LAMA3: variants seen among roughly 807,000 people sequenced by gnomAD.
The protein encoded by LAMA3 is laminin subunit alpha 3, also known as laminin subunit alpha-3.
Under a neutral mutation model 402.0 loss-of-function variants are expected in LAMA3, and 281 were observed. That is an observed-to-expected ratio of 0.70 (90% CI 0.63 to 0.77). LAMA3 has a LOEUF of 0.77. Among genes scored for constraint, LAMA3 ranks in the 30% least tolerant of loss-of-function variants. The pLI is 0.00. For missense variants in LAMA3, 3,840 were observed against 4,215.5 expected (o/e 0.91, Z 2.47); for synonymous variants, 1,431 against 1,558.4 (o/e 0.92, Z 1.93).
At position 23,715,500 on chromosome 18, in the gene LAMA3, A is replaced by G. The variant is rs1032557933; in HGVS notation, c.447+1428A>G. Among the ~76,000 whole-genome samples, 3 of 152,294 alleles carry G rather than the reference A, an allele frequency of 2.0e-5. No individual in the cohort carries two copies. The East Asian group carries it at 5.8e-4, about 29-fold the overall frequency. On this transcript the variant is annotated intron_variant, in intron 2 of 74. Coordinates refer to ENST00000313654, the MANE Select transcript of LAMA3 (RefSeq NM_198129.4). ...TAGGGAAATTAAGAGAGAATGTGAG[A>G]GGAATTGAAGTACCTAATACAGAAA...
intron 12 of LAMA3, among the ~76,000 whole-genome samples, chr18:23,801,266 A>G (rs1430453578): frequency 6.6e-6 from 1 of 152,168 alleles, no homozygotes; most frequent in Non-Finnish European, 1.5e-5. Context: ...GATGAGAACA[A>G]AAGACACTGG....
chr18:23,694,627 G>A (rs1324118073), intron 1 of LAMA3, among the ~76,000 whole-genome samples: 1 of 152,190 alleles, frequency 6.6e-6, no homozygotes, highest in African/African-American at 2.4e-5. Flanking sequence ...GGTAAATCCA[G>A]ATTTAAACCC....
intron 32 of LAMA3, among the ~76,000 whole-genome samples, chr18:23,856,838 A>G (rs1160480990): frequency 2.0e-5 from 3 of 151,926 alleles, no homozygotes; most frequent in African/African-American, 4.8e-5. Context: ...CCTCACCCCA[A>G]AATAGTTTGG....
In LAMA3 at chr18:23,833,926, G is replaced by T; in HGVS notation, c.2922G>T (p.Val974=). Residue 974 remains valine (V), a synonymous_variant, in exon 24 of 75, where the codon GTG becomes GTT. Coordinates refer to ENST00000313654, the MANE Select transcript of LAMA3 (RefSeq NM_198129.4). ...TEAAQLFVVD[V]NVKSSGSVLA... is the part of the protein sequence containing the mutation. ...CAGCTCAGCTGTTTGTGGTTGATGT[G>T]AATGTGAAGAGCTCCGGGTCTGTTC... The T allele has an allele frequency of 6.2e-7, 1 of 1,614,198 alleles. No individual in the cohort carries two copies. The highest frequency in any genetic ancestry group is 8.5e-7 in the Non-Finnish European group (1 of 1,180,032).
intron 36 of LAMA3, among the ~76,000 whole-genome samples, chr18:23,867,304 C>T (rs949605586): frequency 1.4e-4 from 22 of 152,108 alleles, no homozygotes; most frequent in Admixed American, 1.0e-3. Context: ...CACCTGTAAT[C>T]CCAGCACTGC....
At chr18:23,949,125 G>T (rs2082815373) in intron 70 of LAMA3, among the ~76,000 whole-genome samples, 1 of 152,192 alleles carries the variant, frequency 6.6e-6, no homozygotes, top group Non-Finnish European at 1.5e-5. Context: ...CCCTGTTCCA[G>T]CCGGCTCTAG....
chr18:23,845,473 G>A (rs1484174309), intron 30 of LAMA3, among the ~76,000 whole-genome samples: 2 of 152,204 alleles, frequency 1.3e-5, no homozygotes, highest in African/African-American at 4.8e-5. Flanking sequence ...ACCCTCCACT[G>A]GGAAGGACAT....
intron 39 of LAMA3, among the ~76,000 whole-genome samples, chr18:23,877,984 G>A (rs1218119791): frequency 1.3e-5 from 2 of 151,868 alleles, no homozygotes; most frequent in Non-Finnish European, 2.9e-5. Flanking sequence ...GTGGTGGTGG[G>A]CGCCTGCAAT....
At chr18:23,727,870 C>T (rs932649530) in intron 2 of LAMA3, among the ~76,000 whole-genome samples, 2 of 152,138 alleles carry the variant, frequency 1.3e-5, no homozygotes, top group African/African-American at 2.4e-5. Context: ...GCTAGGAGCA[C>T]AGGCACGTGC....
At chr18:23,933,995 C>G in intron 67 of LAMA3, 60 bp downstream of exon 67, 1 of 1,543,210 alleles carries the variant, frequency 6.5e-7, no homozygotes, top group Non-Finnish European at 8.9e-7. Flanking sequence ...CCTGAGCCTG[C>G]CTTGTGGGAG....
At chr18:23,709,685 G>A in intron 1 of LAMA3, 1 of 405,548 alleles carries the variant, frequency 2.5e-6, no homozygotes, top group Admixed American at 3.5e-5. Flanking sequence ...TGATACTCAT[G>A]GGAAGGAAAG....
At chr18:23,801,935 A>T (rs768452323) in intron 12 of LAMA3, among the ~76,000 whole-genome samples, 6 of 152,220 alleles carry the variant, frequency 3.9e-5, no homozygotes, top group Non-Finnish European at 8.8e-5. Context: ...TTTGTTTTAC[A>T]TACATATAAC....
chr18:23,840,876 T>C (rs561385930), intron 27 of LAMA3, among the ~76,000 whole-genome samples: 1 of 152,366 alleles, frequency 6.6e-6, no homozygotes, highest in Non-Finnish European at 1.5e-5. Context: ...ATTATATTTA[T>C]GGGTTGAGCA....
chr18:23,940,642 A>C (rs1281477284), intron 68 of LAMA3, among the ~76,000 whole-genome samples: 1 of 152,210 alleles, frequency 6.6e-6, no homozygotes, highest in Admixed American at 6.5e-5. Flanking sequence ...AAGCCCACTC[A>C]GCAAGCTGTG....
In LAMA3 at chr18:23,815,524, T is replaced by C. The variant is rs2063159144; in HGVS notation, c.1998T>C (p.Cys666=). The C allele has an allele frequency of 3.7e-6, 6 of 1,614,242 alleles. No individual in the cohort carries two copies. The East Asian group carries it at 1.1e-4, about 30-fold the overall frequency. The part of the protein sequence containing the change: ...SHVGGDSCDT[C]EDGYFALEKS... ...TGGGTGGCGATTCCTGCGACACCTG[T>C]GAAGATGGATATTTTGCTTTGGAAA... Residue 666 remains cysteine, a synonymous_variant, in exon 17 of 75, where the codon TGT becomes TGC. Coordinates refer to ENST00000313654, the MANE Select transcript of LAMA3 (RefSeq NM_198129.4).
chr18:23,800,182 G>A (rs1461730303), intron 12 of LAMA3, among the ~76,000 whole-genome samples: 1 of 152,168 alleles, frequency 6.6e-6, no homozygotes, highest in Non-Finnish European at 1.5e-5. Context: ...CGTCAATAAA[G>A]AGTATAACAA....
chr18:23,843,767 T>C (rs2063755927), intron 29 of LAMA3, among the ~76,000 whole-genome samples: 1 of 152,176 alleles, frequency 6.6e-6, no homozygotes, highest in Non-Finnish European at 1.5e-5. Context: ...ATCTTTTATC[T>C]TTCTCTCTGC....
intron 32 of LAMA3, among the ~76,000 whole-genome samples, chr18:23,848,799 G>T (rs2144647115): frequency 6.6e-6 from 1 of 152,344 alleles, no homozygotes; most frequent in South Asian, 2.1e-4. Flanking sequence ...TAAAAATCAA[G>T]ATGTCGGCAG....
intron 12 of LAMA3, among the ~76,000 whole-genome samples, chr18:23,807,893 C>T (rs1022408980): frequency 6.6e-6 from 1 of 152,196 alleles, no homozygotes; most frequent in Non-Finnish European, 1.5e-5. Flanking sequence ...AACATTTCCT[C>T]AGAATTCTAC....
Sources: allele counts gnomAD v4.1 joint callset (sites outside exome capture counted in the v4.1 genomes callset), GRCh38; gene constraint gnomAD v4.1.1; transcripts MANE v1.5; gene names NCBI Gene and HGNC (gene_info 2026-07-23, HGNC 2026-07-21).